MPP3: variants seen among roughly 807,000 people sequenced by gnomAD.
MPP3 encodes MAGUK p55 subfamily member 3.
A neutral mutation model predicts 80.7 loss-of-function variants in MPP3; 48 were observed. The observed-to-expected ratio is 0.59, with a 90% CI of 0.47 to 0.76. The LOEUF (loss-of-function observed/expected upper bound fraction) is 0.76, where lower values mean the gene tolerates loss of function less well. Ranked by LOEUF, MPP3 falls within the 30% of genes least tolerant of loss-of-function variation. The probability of loss-of-function intolerance (pLI) is 0.00; values close to 1 mark genes in which losing one functional copy is unlikely to be tolerated. For synonymous variants in MPP3, 311 were observed against 297.6 expected (o/e 1.04, Z -0.46); for missense variants, 620 against 763.0 (o/e 0.81, Z 2.21).
chr17:43,825,267 C>G (rs891642566), intron 9 of MPP3: 1 of 152,850 alleles, frequency 6.5e-6, no homozygotes, highest in Non-Finnish European at 1.5e-5. Context: ...AGGTTTTCAG[C>G]CAAGCATTTT....
In MPP3 at chr17:43,831,341, C is replaced by T. The variant is rs1196262665; in HGVS notation, c.145-20G>A. The T allele has an allele frequency of 6.2e-7, 1 of 1,612,130 alleles. No homozygotes were observed. ...ATGAATCTGCAAAGACAGAGTATTT[C>T]AGATGCACCCTGGACACCACACATC... On this transcript the variant is annotated intron_variant, in intron 4 of 19. Coordinates refer to ENST00000398389, the MANE Select transcript of MPP3 (RefSeq NM_001932.6).
In MPP3 at chr17:43,810,895, T is replaced by A; in HGVS notation, c.1370A>T (p.Tyr457Phe). The change falls in exon 18 of 20, where the codon TAT becomes TTT. Residue 457 changes from tyrosine (Y) to phenylalanine (F), a missense_variant. Coordinates refer to ENST00000398389, the MANE Select transcript of MPP3 (RefSeq NM_001932.6). ...HHNKFLEHGE[Y>F]KENLYGTSLE... ...GCTGGTTCCATACAGATTTTCCTTATATTCACCATGTTCCAGGAACCTAAA... is the reference window on the plus strand; with the variant it reads ...GCTGGTTCCATACAGATTTTCCTTAAATTCACCATGTTCCAGGAACCTAAA... The A allele has an allele frequency of 1.2e-6, 2 of 1,606,716 alleles. No individual in the cohort carries two copies. Among genetic ancestry groups the A allele is most frequent in the Non-Finnish European group, 1.7e-6 (2 of 1,178,084 alleles).
At chr17:43,829,903 C>A (rs896142883) in intron 6 of MPP3, 112 bp from the exon 7 acceptor site, 1 of 1,558,596 alleles carries the variant, frequency 6.4e-7, no homozygotes, top group South Asian at 1.1e-5. Context: ...GAGACAACTG[C>A]CCAGACACTA....
At chr17:43,829,541 A>G in intron 7 of MPP3, 113 bp downstream of exon 7, 4 of 1,297,892 alleles carry the variant, frequency 3.1e-6, no homozygotes, top group Non-Finnish European at 4.2e-6. Flanking sequence ...CAGCGCAGGC[A>G]AAGCTGCCGT....
chr17:43,818,840 C>T (rs2045282996), intron 11 of MPP3, among the ~76,000 whole-genome samples: 1 of 151,556 alleles, frequency 6.6e-6, no homozygotes, highest in Non-Finnish European at 1.5e-5. Context: ...GCAGGAGAAT[C>T]CAGGAGAATC....
At position 43,820,870 on chromosome 17, in the gene MPP3, G is replaced by A. The variant is rs199838845; in HGVS notation, c.873C>T (p.Phe291=). ...LRAGLIPSKG[F]QERRLSYRRA... The stretch of plus-strand genomic sequence containing the variant: ...ACATACCCCAGACCCACCTCTCCTG[G>A]AACCCCTTGGAGGGGATGAGGCCGG... The change falls in exon 11 of 20, where the codon TTC becomes TTT. Residue 291 remains phenylalanine, a synonymous_variant. Transcript: ENST00000398389. 350 of 1,614,102 alleles carry A rather than the reference G, an allele frequency of 2.2e-4. No homozygotes were observed. The highest frequency in any genetic ancestry group is 8.3e-4 in the Admixed American group (50 of 60,018).
Position 43,814,216 on chromosome 17 carries a change from G to A in MPP3, c.1155C>T (p.Pro385=), listed in dbSNP as rs187787904. 179 of 1,613,548 alleles carry A rather than the reference G, an allele frequency of 1.1e-4. No homozygotes were observed. The highest frequency in any genetic ancestry group is 6.3e-4 in the Admixed American group (38 of 59,998). The change falls in exon 15 of 20, where the codon CCC becomes CCT. Residue 385 remains proline, a synonymous_variant. Transcript: ENST00000398389. Reference sequence around the variant, plus strand: ...ACCTACCGATCAGAACCACCAGGCGGGGCCGCTCTCCGGGCTGGTGTTGGT... The same window carrying A: ...ACCTACCGATCAGAACCACCAGGCGAGGCCGCTCTCCGGGCTGGTGTTGGT... The part of the protein sequence containing the change: ...ARYQHQPGER[P]RLVVLIGSLG...
At chr17:43,816,193 G>T in intron 13 of MPP3, 114 bp from the exon 14 acceptor site, 1 of 835,364 alleles carries the variant, frequency 1.2e-6, no homozygotes. Context: ...GGTGTCTCGT[G>T]GGGAGCTCAG....
Position 43,811,107 on chromosome 17 carries a change from C to T in MPP3, c.1349+5G>A, listed in dbSNP as rs2044836203. 3 of 1,612,374 alleles carry T rather than the reference C, an allele frequency of 1.9e-6. No homozygotes were observed. Among genetic ancestry groups the T allele is most frequent in the African/African-American group, 1.3e-5 (1 of 74,896 alleles). On this transcript the variant is annotated splice_donor_5th_base_variant and intron_variant, in intron 17 of 19. Coordinates refer to ENST00000398389, the MANE Select transcript of MPP3 (RefSeq NM_001932.6). ...GAGGGCCAACTGGCCCATCAAGCAACGTACTTGTTGTGATGTAAGTCGGCC... is the reference window on the plus strand; with the variant it reads ...GAGGGCCAACTGGCCCATCAAGCAATGTACTTGTTGTGATGTAAGTCGGCC...
chr17:43,832,350 C>T (rs546188779), intron 2 of MPP3: 3 of 225,006 alleles, frequency 1.3e-5, no homozygotes, highest in South Asian at 5.8e-5. Context: ...CCGCAGCGCG[C>T]CCCCTCCACT....
At position 43,820,976 on chromosome 17, in the gene MPP3, C is replaced by A. The variant is rs373681606; in HGVS notation, c.767G>T (p.Arg256Leu). ...GCTCACCACCTCCAGGACCTGCCTG[C>A]GCTGGAAGGGCAGGCCCGCCTCCTG... ...PCQEAGLPFQ[R>L]RQVLEVVSQD... The change falls in exon 11 of 20, where the codon CGC (arginine) becomes CTC (leucine). Residue 256 changes from arginine to leucine, a missense_variant. By Grantham distance (102) the Arg-to-Leu change is moderately radical. Transcript: ENST00000398389. The A allele has an allele frequency of 3.1e-6, 5 of 1,612,512 alleles. No individual in the cohort carries two copies. In the African/African-American group the frequency reaches 5.3e-5, roughly 17 times the overall value.
At chr17:43,823,862 TCCAGCCCCCAG>T in intron 10 of MPP3, 58 bp downstream of exon 10, 1 of 1,136,222 alleles carries the variant, frequency 8.8e-7, no homozygotes, top group South Asian at 1.3e-5. Flanking sequence ...CTGGACTGGA[TCCAGCCCCCAG>T]CCAGCGAGCT....
intron 14 of MPP3, among the ~76,000 whole-genome samples, chr17:43,815,459 G>T (rs1167942141): frequency 6.6e-6 from 1 of 152,092 alleles, no homozygotes; most frequent in East Asian, 1.9e-4. Flanking sequence ...TTAATCAGCT[G>T]GGCATGGTGT....
At chr17:43,809,220 A>G in intron 18 of MPP3, 142 bp from the exon 19 acceptor site, 2 of 857,224 alleles carry the variant, frequency 2.3e-6, no homozygotes, top group East Asian at 2.8e-5. Context: ...ATGACAATGG[A>G]CTTCAACTGG....
chr17:43,829,886 T>C lies in MPP3; in HGVS notation c.304-95A>G, dbSNP rs918608539. The C allele has an allele frequency of 5.1e-6, 8 of 1,583,808 alleles. No individual in the cohort carries two copies. The East Asian group carries it at 1.8e-4, about 35-fold the overall frequency. On this transcript the variant is annotated intron_variant, in intron 6 of 19. Coordinates refer to ENST00000398389, the MANE Select transcript of MPP3 (RefSeq NM_001932.6). ...GTGGTATGGAGGGTGGCAGACGCCA[T>C]GCCAGAGAGACAACTGCCCAGACAC...
chr17:43,817,172 C>T (rs547465930), intron 12 of MPP3, among the ~76,000 whole-genome samples: 59 of 152,302 alleles, frequency 3.9e-4, no homozygotes, highest in African/African-American at 1.3e-3. Context: ...GCCGCTCACT[C>T]GGTTACAAGT....
In MPP3 at chr17:43,818,045, CA is replaced by C. The variant is rs1167592534; in HGVS notation, c.946del (p.Tyr316MetfsTer54). 1.3e-6 allele frequency: 2 copies of C among 1,582,652 alleles called. No individual in the cohort carries two copies. Among genetic ancestry groups the C allele is most frequent in the African/African-American group, 1.4e-5 (1 of 73,582 alleles). On this transcript the variant is annotated frameshift_variant and splice_region_variant, in exon 12 of 20. Transcript: ENST00000398389. LOFTEE classifies it high-confidence loss of function. ...PSPQSLRKPP[Y>X]DQPCDKETCD... ...AGTGCCATCCCTGACAATCTACTCACAGGGGGGCTTCCTGAGGCTCTGGGGG... is the reference window on the plus strand; with the variant it reads ...AGTGCCATCCCTGACAATCTACTCACGGGGGGCTTCCTGAGGCTCTGGGGG...
rs34130012 is a variant in MPP3 at position 43,814,287 on chromosome 17, C to T, written c.1084G>A (p.Gly362Arg). The change falls in exon 15 of 20, where the codon GGA becomes AGA. Residue 362 changes from glycine (G) to arginine (R), a missense_variant. Physicochemically the swap from Gly to Arg is moderately radical, Grantham distance 125. Transcript: ENST00000398389. The stretch of plus-strand genomic sequence containing the variant: ...GTCAGCAGCTCCGGAGACTCAGCTC[C>T]GGAGGACATCTTTCCTTCCTGCGAG... ...GGSQEGKMSS[G>R]AESPELLTYE... 3,205 of 1,612,726 alleles carry T rather than the reference C, an allele frequency of 2.0e-3. 1 individual carries two copies. Among genetic ancestry groups the T allele is most frequent in the Non-Finnish European group, 2.4e-3 (2,816 of 1,179,986 alleles).
intron 11 of MPP3, among the ~76,000 whole-genome samples, chr17:43,820,605 TACACACACACACACACACACACAC>T: frequency 1.6e-5 from 2 of 125,296 alleles, no homozygotes; most frequent in Middle Eastern, 4.2e-3. Context: ...AAAAAAAAAA[TACACACACACACACACACACACAC>T]ACACACACAC....
Sources: allele counts gnomAD v4.1 joint callset (sites outside exome capture counted in the v4.1 genomes callset), GRCh38; gene constraint gnomAD v4.1.1; transcripts MANE v1.5; gene names NCBI Gene and HGNC (gene_info 2026-07-23, HGNC 2026-07-21).